The following SYNC variants were observed in gnomAD, a reference collection of about 807,000 sequenced individuals.
SYNC encodes the protein syncoilin.
A neutral mutation model predicts 49.5 loss-of-function variants in SYNC; 38 were observed. That is an observed-to-expected ratio of 0.77 (90% CI 0.59 to 1.01). The LOEUF (loss-of-function observed/expected upper bound fraction) is 1.01, where lower values mean the gene tolerates loss of function less well. Among genes scored for constraint, SYNC ranks in the 50% least tolerant of loss-of-function variants. The pLI is 0.00. For missense variants in SYNC, 579 were observed against 580.6 expected, an observed-to-expected ratio of 1.00 and a Z score of 0.03; for synonymous variants, 201 against 230.8, an observed-to-expected ratio of 0.87 and a Z score of 1.17.
rs776524076 is a variant in SYNC, at chr1:32,695,036, T to C, written c.1062A>G (p.Lys354=). Residue 354 remains lysine, a synonymous_variant, in exon 2 of 5, where the codon AAA becomes AAG. Transcript: ENST00000409190. ...TCTGCAGAGCTTTGGTCCCAGCTTCTTTCCTCTCTAGGAGCCGCAGGAACT... is the reference window on the plus strand; with the variant it reads ...TCTGCAGAGCTTTGGTCCCAGCTTCCTTCCTCTCTAGGAGCCGCAGGAACT... The part of the protein sequence containing the change: ...EPQFLRLLER[K]EAGTKALQRT... 3.1e-6 allele frequency: 5 copies of C among 1,613,918 alleles called. No homozygotes were observed. The highest frequency in any genetic ancestry group is 4.2e-6 in the Non-Finnish European group (5 of 1,180,000).
At chr1:32,685,021 CTTT>C (rs1279095482) in intron 2 of SYNC, 2 of 151,908 alleles carry the variant, frequency 1.3e-5, no homozygotes, top group African/African-American at 2.4e-5. Flanking sequence ...CTTTTTTCTT[CTTT>C]ATTTTTGTAT....
chr1:32,701,335 T>TATAC (rs1334954559), intron 1 of SYNC, among the ~76,000 whole-genome samples: 11 of 152,328 alleles, frequency 7.2e-5, no homozygotes, highest in Non-Finnish European at 1.5e-4. Context: ...GCACTCTGTA[T>TATAC]GCAGCACATC....
intron 2 of SYNC, among the ~76,000 whole-genome samples, chr1:32,688,991 TGCAGTGGC>T (rs2148552622): frequency 6.6e-6 from 1 of 151,704 alleles, no homozygotes; most frequent in East Asian, 1.9e-4. Context: ...CAGGCTGGAG[TGCAGTGGC>T]GCAGTCTCGG....
intron 2 of SYNC, among the ~76,000 whole-genome samples, chr1:32,693,640 A>G (rs1650270748): frequency 6.6e-6 from 1 of 152,166 alleles, no homozygotes. Context: ...GTAATACAAC[A>G]ATAAGTAAAA....
chr1:32,690,954 C>A (rs1378705924), intron 2 of SYNC, among the ~76,000 whole-genome samples: 1 of 151,996 alleles, frequency 6.6e-6, no homozygotes, highest in Non-Finnish European at 1.5e-5. Flanking sequence ...CTCAGTGGCT[C>A]ACACCTATAA....
chr1:32,694,982 C>T lies in SYNC; in HGVS notation c.1116G>A (p.Lys372=). ...QRTQAEIQEM[K]EALRPLQAEA... ...CTGCTTGCAGGGGTCTCAGAGCCTC[C>T]TTCATTTCCTGGATCTCAGCCTGGG... Residue 372 remains lysine (K), a synonymous_variant, in exon 2 of 5, where the codon AAG becomes AAA. Coordinates refer to ENST00000409190, the MANE Select transcript of SYNC (RefSeq NM_030786.3). 6.2e-7 allele frequency: 1 copy of T among 1,614,062 alleles called. No individual in the cohort carries two copies.
At chr1:32,700,434 G>A (rs1401984403) in intron 1 of SYNC, among the ~76,000 whole-genome samples, 1 of 152,158 alleles carries the variant, frequency 6.6e-6, no homozygotes, top group Non-Finnish European at 1.5e-5. Flanking sequence ...AGTGGCTCAC[G>A]CCTGTAATCC....
At position 32,694,916 on chromosome 1, in the gene SYNC, G is replaced by C; in HGVS notation, c.1182C>G (p.Asp394Glu). Residue 394 changes from aspartate (D) to glutamate (E), a missense_variant, in exon 2 of 5, where the codon GAC becomes GAG. Coordinates refer to ENST00000409190, the MANE Select transcript of SYNC (RefSeq NM_030786.3). The part of the protein sequence containing the change: ...QLRLQNRNLE[D>E]QIALVRQKRD... The stretch of plus-strand genomic sequence containing the variant: ...GTTTTTGCCTCACAAGTGCGATCTG[G>C]TCCTCCAGGTTCCTGTTTTGCAGGC... The C allele has an allele frequency of 6.2e-7, 1 of 1,613,300 alleles. No individual in the cohort carries two copies. The highest frequency in any genetic ancestry group is 1.1e-5 in the South Asian group (1 of 91,042).
chr1:32,689,840 C>T (rs1650072289), intron 2 of SYNC, among the ~76,000 whole-genome samples: 1 of 151,202 alleles, frequency 6.6e-6, no homozygotes, highest in African/African-American at 2.4e-5. Flanking sequence ...ACTTGAGAGG[C>T]TGAGGCAGGA....
intron 2 of SYNC, chr1:32,686,102 A>G (rs1466038703): frequency 6.6e-6 from 1 of 152,248 alleles, no homozygotes; most frequent in Admixed American, 6.5e-5. Flanking sequence ...TGTAAAATAC[A>G]CAGCAGATTT....
chr1:32,684,251 A>C lies in SYNC; in HGVS notation c.1358+7T>G, dbSNP rs1190738397. 6 of 1,614,190 alleles carry C rather than the reference A, an allele frequency of 3.7e-6. No homozygotes were observed. The East Asian group carries it at 6.7e-5, about 18-fold the overall frequency. ...TAGATGAGATTTGTATAGCAGCAGAAACTGACTTATAAGTAGAGAGCTCTT... is the reference window on the plus strand; with the variant it reads ...TAGATGAGATTTGTATAGCAGCAGACACTGACTTATAAGTAGAGAGCTCTT... On this transcript the variant is annotated splice_region_variant and intron_variant, in intron 3 of 4. Transcript: ENST00000409190.
chr1:32,694,609 G>A (rs987912517), intron 2 of SYNC, among the ~76,000 whole-genome samples: 18 of 150,802 alleles, frequency 1.2e-4, no homozygotes, highest in African/African-American at 3.7e-4. Context: ...AGCTGAGATC[G>A]CACCACTGCA....
At position 32,681,496 on chromosome 1, in the gene SYNC, A is replaced by C. The variant is rs1017234684; in HGVS notation, c.*354T>G. ...TTGGTTTGGGTCAACACAAGGCAAG[A>C]TACATTCTTTAAAATACTCCCAGAT... On this transcript the variant is annotated 3_prime_UTR_variant, in exon 5 of 5. Coordinates refer to ENST00000409190, the MANE Select transcript of SYNC (RefSeq NM_030786.3). The C allele has an allele frequency of 1.1e-5, 3 of 278,200 alleles. No individual in the cohort carries two copies. The highest frequency in any genetic ancestry group is 6.6e-5 in the African/African-American group (3 of 45,600). 17.2% of individuals were successfully genotyped at this position (278,200 alleles called of 1,614,324 possible).
intron 2 of SYNC, chr1:32,684,962 T>A (rs1398206404): frequency 2.6e-5 from 4 of 152,476 alleles, no homozygotes; most frequent in African/African-American, 9.7e-5. Flanking sequence ...ATATGGAAAT[T>A]GATGCTTTAG....
At chr1:32,696,742 C>T (rs562852054) in intron 1 of SYNC, among the ~76,000 whole-genome samples, 97 of 151,742 alleles carry the variant, frequency 6.4e-4, no homozygotes, top group Non-Finnish European at 1.1e-3. Flanking sequence ...GCCACTGCGC[C>T]CAGCCCAGTT....
Position 32,695,208 on chromosome 1 carries a change from T to C in SYNC, c.890A>G (p.Lys297Arg). The C allele has an allele frequency of 6.4e-7, 1 of 1,556,146 alleles. No individual in the cohort carries two copies. Among genetic ancestry groups the C allele is most frequent in the Non-Finnish European group, 8.7e-7 (1 of 1,149,452 alleles). ...TTGTTGCCGCAGCTGCTCCTTCTGC[T>C]TCTGATAGGCATCCCGGAGCTGGGC... ...ELAQLRDAYQKQKEQLRQQLE... is the reference protein window; with the variant it reads ...ELAQLRDAYQRQKEQLRQQLE... Residue 297 changes from lysine (K) to arginine (R), a missense_variant, in exon 2 of 5, where the codon AAG becomes AGG. By Grantham distance (26) the Lys-to-Arg change is conservative (BLOSUM62 2). Coordinates refer to ENST00000409190, the MANE Select transcript of SYNC (RefSeq NM_030786.3).
intron 2 of SYNC, among the ~76,000 whole-genome samples, chr1:32,692,029 G>A (rs1279760817): frequency 6.6e-6 from 1 of 152,042 alleles, no homozygotes; most frequent in Non-Finnish European, 1.5e-5. Flanking sequence ...TCAGGAGATG[G>A]AGACCATCCT....
At chr1:32,696,320 A>AT (rs564326114) in intron 1 of SYNC, among the ~76,000 whole-genome samples, 50 of 146,982 alleles carry the variant, frequency 3.4e-4, no homozygotes, top group South Asian at 1.3e-3. Flanking sequence ...AATTATAATA[A>AT]TTTTTTTTTT....
chr1:32,687,858 A>T (rs865887427), intron 2 of SYNC, among the ~76,000 whole-genome samples: 3 of 144,084 alleles, frequency 2.1e-5, no homozygotes, highest in African/African-American at 7.7e-5. Flanking sequence ...TATTATTATT[A>T]TTATTTTTTG....
Sources: allele counts gnomAD v4.1 joint callset (sites outside exome capture counted in the v4.1 genomes callset), GRCh38; gene constraint gnomAD v4.1.1; transcripts MANE v1.5; gene names NCBI Gene and HGNC (gene_info 2026-07-23, HGNC 2026-07-21).